The following PRKN variants were observed in gnomAD, a reference collection of about 807,000 sequenced individuals.
PRKN encodes E3 ubiquitin-protein ligase parkin.
PRKN carries 56 observed loss-of-function variants against 59.5 expected under a neutral mutation model. That is an observed-to-expected ratio of 0.94 (90% CI 0.76 to 1.18). PRKN has a LOEUF of 1.18. Ranked by LOEUF, PRKN falls within the 50% of genes most tolerant of loss-of-function variation. PRKN has a pLI of 0.00. For missense variants in PRKN, 657 were observed against 596.4 expected, an observed-to-expected ratio of 1.10 and a Z score of -1.06; for synonymous variants, 250 against 222.1, an observed-to-expected ratio of 1.13 and a Z score of -1.12.
chr6:161,391,182 C>T lies in PRKN; in HGVS notation c.1084-4305G>A, dbSNP rs73606919. ...TGAGCTGCATGTCTCATATCTGGGG[C>T]GCCTGGATCCTTCTTTAACCAACCA... On this transcript the variant is annotated intron_variant, in intron 9 of 11. Coordinates refer to ENST00000366898, the MANE Select transcript of PRKN (RefSeq NM_004562.3). The surrounding 1 kb of genome is among the most constrained non-coding windows in gnomAD (Gnocchi z 4.9). Among the ~76,000 whole-genome samples the T allele has an allele frequency of 0.013, 1,904 of 152,176 alleles. 50 individuals carry two copies. The highest frequency in any genetic ancestry group is 0.044 in the African/African-American group (1,834 of 41,466).
intron 1 of PRKN, among the ~76,000 whole-genome samples, chr6:162,686,866 T>C (rs938490337): frequency 3.3e-5 from 5 of 152,218 alleles, no homozygotes; most frequent in African/African-American, 1.2e-4. Context: ...TTCTGTTTCA[T>C]TGATCTATGT....
intron 6 of PRKN, among the ~76,000 whole-genome samples, chr6:161,934,382 T>C (rs1254043261): frequency 6.6e-6 from 1 of 152,204 alleles, no homozygotes; most frequent in Non-Finnish European, 1.5e-5. Flanking sequence ...AATGCCTACA[T>C]ATATCTAAAA....
rs185722512 is a variant in PRKN at position 161,426,610 on chromosome 6, C to A, written c.1084-39733G>T. 3.7e-3 allele frequency among the ~76,000 whole-genome samples: 533 copies of A among 145,460 alleles called. 1 individual carries two copies. The highest frequency in any genetic ancestry group is 6.2e-3 in the Non-Finnish European group (409 of 66,268). ...ATGGCCTATTGTGGGACCTTGTGAT[C>A]ATGTGAGTTAATACTACTTAATAAA... On this transcript the variant is annotated intron_variant, in intron 9 of 11. Coordinates refer to ENST00000366898, the MANE Select transcript of PRKN (RefSeq NM_004562.3).
At chr6:162,632,869 A>G (rs1052745979) in intron 1 of PRKN, among the ~76,000 whole-genome samples, 1 of 152,080 alleles carries the variant, frequency 6.6e-6, no homozygotes, top group African/African-American at 2.4e-5. Flanking sequence ...AATCAGGCTA[A>G]CTTCTCCATT....
chr6:162,409,766 C>T (rs1423670432), intron 2 of PRKN, among the ~76,000 whole-genome samples: 1 of 152,162 alleles, frequency 6.6e-6, no homozygotes, highest in Non-Finnish European at 1.5e-5. Context: ...AAGTGGGATT[C>T]TCAACACACT....
chr6:161,977,021 A>G lies in PRKN; in HGVS notation c.619-3604T>C, dbSNP rs560755061. On this transcript the variant is annotated intron_variant, in intron 5 of 11. Coordinates refer to ENST00000366898, the MANE Select transcript of PRKN (RefSeq NM_004562.3). ...CACATATAGTGTTGATAAAACTAAA[A>G]CTCACATTGCCAACCCTATATTAAA... 2.0e-5 allele frequency among the ~76,000 whole-genome samples: 3 copies of G among 152,262 alleles called. No individual in the cohort carries two copies. The South Asian group carries it at 6.2e-4, about 32-fold the overall frequency.
At chr6:162,475,581 ATGAGTGTGT>A (rs1562314679) in intron 1 of PRKN, among the ~76,000 whole-genome samples, 5 of 107,176 alleles carry the variant, frequency 4.7e-5, no homozygotes, top group African/African-American at 1.6e-4. Flanking sequence ...GTGTGTGTGC[ATGAGTGTGT>A]GTGTGTTTGC....
In PRKN at chr6:162,462,381, G is replaced by A. The variant is rs73606373; in HGVS notation, c.8-18908C>T. The stretch of plus-strand genomic sequence containing the variant: ...GCTGTTAATTAGATTGAGAGTGATT[G>A]TATATGGTTTCTCACAAAGGCATCT... On this transcript the variant is annotated intron_variant, in intron 1 of 11. Coordinates refer to ENST00000366898, the MANE Select transcript of PRKN (RefSeq NM_004562.3). 4.0e-3 allele frequency among the ~76,000 whole-genome samples: 616 copies of A among 152,288 alleles called. 8 individuals carry two copies. Among genetic ancestry groups the A allele is most frequent in the African/African-American group, 0.014 (589 of 41,552 alleles).
At chr6:162,018,218 G>T (rs1439056099) in intron 5 of PRKN, among the ~76,000 whole-genome samples, 1 of 152,030 alleles carries the variant, frequency 6.6e-6, no homozygotes, top group East Asian at 1.9e-4. Flanking sequence ...AGTAGAGATG[G>T]GGTTTCATCG....
At chr6:161,416,738 T>C (rs1787871543) in intron 9 of PRKN, among the ~76,000 whole-genome samples, 1 of 152,154 alleles carries the variant, frequency 6.6e-6, no homozygotes, top group East Asian at 1.9e-4. Context: ...TGGTTCATGG[T>C]TCTGACCATA....
chr6:161,779,440 C>CTTTTTTTCTTTTTTTT (rs1790102732), intron 7 of PRKN, among the ~76,000 whole-genome samples: 1 of 41,848 alleles, frequency 2.4e-5, no homozygotes. Flanking sequence ...CTTTTCTTTT[C>CTTTTTTTCTTTTTTTT]TTTTTTTTTT....
In PRKN at chr6:161,567,546, A is replaced by C. The variant is rs146436686; in HGVS notation, c.933+1809T>G. Among the ~76,000 whole-genome samples, 1,058 of 151,890 alleles carry C rather than the reference A, an allele frequency of 7.0e-3. 18 individuals are homozygous for C. Among genetic ancestry groups the C allele is most frequent in the African/African-American group, 0.024 (1,013 of 41,436 alleles). On this transcript the variant is annotated intron_variant, in intron 8 of 11. Coordinates refer to ENST00000366898, the MANE Select transcript of PRKN (RefSeq NM_004562.3). ...AAGTATCAGCTGAAAGAAAGAAGGA[A>C]GTGTGTGTATGTCTGCATGTGTGTG...
At chr6:162,310,946 C>T (rs1486126406) in intron 2 of PRKN, among the ~76,000 whole-genome samples, 1 of 151,804 alleles carries the variant, frequency 6.6e-6, no homozygotes, top group Non-Finnish European at 1.5e-5. Flanking sequence ...TTAAGTATAC[C>T]ATCTTTTCAG....
At chr6:162,654,803 T>A (rs1037139446) in intron 1 of PRKN, among the ~76,000 whole-genome samples, 3 of 151,578 alleles carry the variant, frequency 2.0e-5, no homozygotes, top group African/African-American at 7.3e-5. Context: ...AAACACTTCT[T>A]TCTAAACAAG....
intron 6 of PRKN, among the ~76,000 whole-genome samples, chr6:161,863,411 G>T (rs141914752): frequency 2.6e-5 from 4 of 152,080 alleles, no homozygotes; most frequent in East Asian, 3.9e-4. Flanking sequence ...AACATGAAAA[G>T]AATTAATTTA....
At chr6:162,382,633 C>A (rs1263361498) in intron 2 of PRKN, among the ~76,000 whole-genome samples, 1 of 152,158 alleles carries the variant, frequency 6.6e-6, no homozygotes, top group African/African-American at 2.4e-5. Flanking sequence ...TGCTGACTGA[C>A]TAGGATGGTG....
chr6:162,101,125 T>C (rs1779953720), intron 4 of PRKN, among the ~76,000 whole-genome samples: 1 of 152,116 alleles, frequency 6.6e-6, no homozygotes, highest in Non-Finnish European at 1.5e-5. Flanking sequence ...CTTGTGCTTT[T>C]GGAGTCATAT....
At chr6:161,956,044 C>T (rs1017247261) in intron 6 of PRKN, among the ~76,000 whole-genome samples, 2 of 152,130 alleles carry the variant, frequency 1.3e-5, no homozygotes, top group African/African-American at 4.8e-5. Flanking sequence ...CCTACAATAT[C>T]CCCCTTTCAG....
chr6:162,518,786 A>G (rs1777970301), intron 1 of PRKN, among the ~76,000 whole-genome samples: 1 of 152,230 alleles, frequency 6.6e-6, no homozygotes, highest in Non-Finnish European at 1.5e-5. Context: ...CCTAGAAAAC[A>G]CAGCTACATA....
Sources: allele counts gnomAD v4.1 joint callset (sites outside exome capture counted in the v4.1 genomes callset), GRCh38; gene constraint gnomAD v4.1.1; non-coding constraint Gnocchi (gnomAD v3.1); transcripts MANE v1.5; gene names NCBI Gene and HGNC (gene_info 2026-07-23, HGNC 2026-07-21).